CNTN5: variants seen among roughly 807,000 people sequenced by gnomAD.
CNTN5 encodes contactin-5.
A neutral mutation model predicts 129.1 loss-of-function variants in CNTN5; 77 were observed. That is an observed-to-expected ratio of 0.60 (90% CI 0.50 to 0.72). CNTN5 has a LOEUF of 0.72. Among genes scored for constraint, CNTN5 ranks in the 30% least tolerant of loss-of-function variants. The pLI, the probability that CNTN5 is intolerant of heterozygous loss-of-function variation, is 0.00. For missense variants in CNTN5, 1,478 were observed against 1,328.8 expected (o/e 1.11, Z -1.75); for synonymous variants, 509 against 465.6 (o/e 1.09, Z -1.20).
chr11:99,370,903 C>G (rs1939779403), intron 2 of CNTN5, among the ~76,000 whole-genome samples: 1 of 152,162 alleles, frequency 6.6e-6, no homozygotes, highest in African/African-American at 2.4e-5. Context: ...CTTTGTTTCC[C>G]TACTCATTCT....
At position 99,038,575 on chromosome 11, in the gene CNTN5, C is replaced by T. The variant is rs545026488; in HGVS notation, c.-210+17305C>T. On this transcript the variant is annotated intron_variant, in intron 1 of 24. Transcript: ENST00000524871. ...TCCATTGACTCAATGAATTTTACAA[C>T]GCCTTCATTGCTTGTTACAAAGCAT... 1.9e-4 allele frequency among the ~76,000 whole-genome samples: 29 copies of T among 152,186 alleles called. 1 individual carries two copies. Among genetic ancestry groups the T allele is most frequent in the East Asian group, 3.9e-4 (2 of 5,174 alleles).
At chr11:99,191,446 G>A (rs1858638652) in intron 1 of CNTN5, among the ~76,000 whole-genome samples, 1 of 151,630 alleles carries the variant, frequency 6.6e-6, no homozygotes, top group Admixed American at 6.6e-5. Context: ...GGAAACATCT[G>A]ACTTAAACTA....
At chr11:99,784,793 G>GTT (rs1404257858) in intron 3 of CNTN5, among the ~76,000 whole-genome samples, 12 of 85,738 alleles carry the variant, frequency 1.4e-4, no homozygotes, top group Admixed American at 1.1e-3. Flanking sequence ...GTATCTCATT[G>GTT]TGTTTTTTTT....
intron 6 of CNTN5, among the ~76,000 whole-genome samples, chr11:99,901,619 A>G (rs1379711912): frequency 1.3e-5 from 2 of 152,198 alleles, no homozygotes; most frequent in African/African-American, 4.8e-5. Flanking sequence ...ATTCATGAGC[A>G]TAGAATGGTT....
chr11:99,835,362 T>C (rs1214699568), intron 4 of CNTN5, among the ~76,000 whole-genome samples: 1 of 152,170 alleles, frequency 6.6e-6, no homozygotes, highest in Non-Finnish European at 1.5e-5. Flanking sequence ...GGTTCCTATG[T>C]GGGCCAGGGT....
At chr11:99,870,342 C>G (rs1798581856) in intron 6 of CNTN5, among the ~76,000 whole-genome samples, 2 of 152,020 alleles carry the variant, frequency 1.3e-5, no homozygotes, top group Non-Finnish European at 2.9e-5. Context: ...CTCTTCCACT[C>G]CTTACACGTT....
intron 4 of CNTN5, among the ~76,000 whole-genome samples, chr11:99,830,054 A>C (rs1268269727): frequency 2.6e-5 from 4 of 152,174 alleles, no homozygotes. Flanking sequence ...TTAGGTTAAG[A>C]TATTTTATTT....
At chr11:99,870,789 T>A (rs534525345) in intron 6 of CNTN5, among the ~76,000 whole-genome samples, 8 of 142,352 alleles carry the variant, frequency 5.6e-5, no homozygotes, top group African/African-American at 2.1e-4. Flanking sequence ...AAAACAGAAG[T>A]GAGTTATATG....
intron 13 of CNTN5, among the ~76,000 whole-genome samples, chr11:100,170,576 C>A (rs1947792516): frequency 6.6e-6 from 1 of 151,890 alleles, no homozygotes; most frequent in African/African-American, 2.4e-5. Flanking sequence ...GAAATTAGCT[C>A]TTGAGTGTTG....
At chr11:99,182,510 G>C (rs79091240) in intron 1 of CNTN5, among the ~76,000 whole-genome samples, 4,402 of 152,012 alleles carry the variant, frequency 0.029, 213 homozygotes, top group African/African-American at 0.098. Context: ...GCTACCCAAA[G>C]TGGGTAACAT....
intron 3 of CNTN5, among the ~76,000 whole-genome samples, chr11:99,795,122 C>G (rs79528811): frequency 0.035 from 5,375 of 151,934 alleles, 139 homozygotes; most frequent in South Asian, 0.097. Context: ...GTTCATTCTT[C>G]TTCATTCTTT....
At position 99,871,665 on chromosome 11, in the gene CNTN5, G is replaced by A. The variant is rs151299060; in HGVS notation, c.577+26403G>A. ...GAGGAAAAATATGATGAATATTTTT[G>A]TGGATCCATTGTCTTTTTTCTAGCA... is the stretch of plus-strand genomic sequence containing the variant. On this transcript the variant is annotated intron_variant, in intron 6 of 24. Coordinates refer to ENST00000524871, the MANE Select transcript of CNTN5 (RefSeq NM_014361.4). Among the ~76,000 whole-genome samples, 749 of 152,112 alleles carry A rather than the reference G, an allele frequency of 4.9e-3. 12 individuals are homozygous for A. Among genetic ancestry groups the A allele is most frequent in the African/African-American group, 0.017 (715 of 41,526 alleles).
At chr11:99,708,871 C>T (rs1954858184) in intron 3 of CNTN5, among the ~76,000 whole-genome samples, 1 of 151,646 alleles carries the variant, frequency 6.6e-6, no homozygotes, top group African/African-American at 2.4e-5. Flanking sequence ...TAAGTTTGTC[C>T]ATCCTCTCTT....
At chr11:100,140,414 C>G (rs1946658438) in intron 13 of CNTN5, among the ~76,000 whole-genome samples, 1 of 152,080 alleles carries the variant, frequency 6.6e-6, no homozygotes, top group African/African-American at 2.4e-5. Flanking sequence ...TATGATAACT[C>G]ATCATGGAAT....
At position 99,325,437 on chromosome 11, in the gene CNTN5, C is replaced by G. The variant is rs1481130602; in HGVS notation, c.-118C>G. ...TGCAAAAGGATTACTTTACAGATAC[C>G]AGTTCCTTTGTCAAGAGCATACTTT... On this transcript the variant is annotated 5_prime_UTR_variant, in exon 2 of 25. Transcript: ENST00000524871. 1 of 151,970 alleles carries G rather than the reference C, an allele frequency of 6.6e-6. No individual in the cohort carries two copies. The highest frequency in any genetic ancestry group is 1.9e-4 in the East Asian group (1 of 5,180). 9.4% of individuals were successfully genotyped at this position (151,970 alleles called of 1,614,324 possible).
intron 8 of CNTN5, among the ~76,000 whole-genome samples, chr11:99,985,069 C>T (rs767232949): frequency 2.6e-5 from 4 of 152,136 alleles, no homozygotes; most frequent in Non-Finnish European, 4.4e-5. Context: ...ATGACTTCTT[C>T]GCTCCACTAC....
intron 9 of CNTN5, among the ~76,000 whole-genome samples, chr11:100,037,838 A>G: frequency 6.6e-6 from 1 of 151,798 alleles, no homozygotes; most frequent in East Asian, 1.9e-4. Context: ...TTTTTATTGC[A>G]TCAATTTGAT....
At chr11:99,159,565 T>A (rs1298369555) in intron 1 of CNTN5, among the ~76,000 whole-genome samples, 1 of 152,114 alleles carries the variant, frequency 6.6e-6, no homozygotes, top group Non-Finnish European at 1.5e-5. Context: ...GAGGTTGCAG[T>A]GAGCCGAGAT....
At chr11:100,056,101 A>T (rs1943209459) in intron 9 of CNTN5, among the ~76,000 whole-genome samples, 1 of 151,628 alleles carries the variant, frequency 6.6e-6, no homozygotes, top group Non-Finnish European at 1.5e-5. Context: ...TTATGTGATT[A>T]TATTTTTGTC....
Sources: gnomAD v4.1 joint callset for allele counts (sites outside exome capture counted in the v4.1 genomes callset) on GRCh38, gnomAD v4.1.1 for gene constraint, MANE v1.5 for transcripts, NCBI Gene and HGNC (gene_info 2026-07-23, HGNC 2026-07-21) for gene names.